The following PALM2AKAP2 variants were observed in gnomAD, a reference collection of about 807,000 sequenced individuals.
The protein encoded by PALM2AKAP2 is PALM2-AKAP2 fusion protein.
A neutral mutation model predicts 71.5 loss-of-function variants in PALM2AKAP2; 37 were observed. The observed-to-expected ratio is 0.52, with a 90% CI of 0.40 to 0.68. The LOEUF (loss-of-function observed/expected upper bound fraction) is 0.68. Among genes scored for constraint, PALM2AKAP2 ranks in the 30% least tolerant of loss-of-function variants. The pLI is 0.00. For missense variants in PALM2AKAP2, 1,224 were observed against 1,191.8 expected (o/e 1.03, Z -0.40); for synonymous variants, 468 against 478.8 (o/e 0.98, Z 0.29).
chr9:109,941,243 T>A (rs1373491161), intron 6 of PALM2AKAP2, among the ~76,000 whole-genome samples: 2 of 151,720 alleles, frequency 1.3e-5, no homozygotes, highest in African/African-American at 4.8e-5. Flanking sequence ...TCAGGCTGTC[T>A]TTGGCCCTCT....
chr9:110,158,432 G>GTA (rs1389492602), intron 3 of PALM2AKAP2, among the ~76,000 whole-genome samples: 8 of 152,178 alleles, frequency 5.3e-5, no homozygotes, highest in Admixed American at 6.5e-5. Context: ...TGTCACTTGT[G>GTA]TATGTCTTTT....
intron 5 of PALM2AKAP2, among the ~76,000 whole-genome samples, chr9:109,929,887 A>G (rs796707135): frequency 1.4e-5 from 2 of 143,704 alleles, no homozygotes; most frequent in East Asian, 2.1e-4. Context: ...AAAAAAAAAA[A>G]GAGAGAGAAT....
intron 1 of PALM2AKAP2, among the ~76,000 whole-genome samples, chr9:110,079,346 A>G (rs923418200): frequency 1.3e-5 from 2 of 152,144 alleles, no homozygotes; most frequent in Non-Finnish European, 2.9e-5. Context: ...AAATAAAAAA[A>G]TTAGCCAAGC....
chr9:109,797,179 C>G (rs535263101), intron 1 of PALM2AKAP2, among the ~76,000 whole-genome samples: 1 of 152,162 alleles, frequency 6.6e-6, no homozygotes, highest in Non-Finnish European at 1.5e-5. Context: ...CTTTCCATCT[C>G]TCTCAGCTGG....
At chr9:110,157,008 A>C (rs7847354) in intron 3 of PALM2AKAP2, among the ~76,000 whole-genome samples, 88,630 of 152,084 alleles carry the variant, frequency 0.58, 27,065 homozygotes, top group East Asian at 0.86. Flanking sequence ...CATAGCTTGA[A>C]AGCAAAGAGC....
At chr9:109,689,604 G>A (rs928876897) in intron 1 of PALM2AKAP2, among the ~76,000 whole-genome samples, 1 of 152,220 alleles carries the variant, frequency 6.6e-6, no homozygotes, top group Non-Finnish European at 1.5e-5. Flanking sequence ...ACTTGCCTGA[G>A]TTCTGAACAC....
In PALM2AKAP2 at chr9:109,989,997, G is replaced by A. The variant is rs149633781; in HGVS notation, c.497-25957G>A. On this transcript the variant is annotated intron_variant, in intron 6 of 9. Coordinates refer to the PALM2AKAP2 transcript ENST00000302798. ...TTATATCCAGAATGGAAATAATTTC[G>A]GGAATAACAAACTCCTTATGTTTAC... Among the ~76,000 whole-genome samples the A allele has an allele frequency of 4.6e-4, 70 of 151,976 alleles. 1 individual carries two copies. The highest frequency in any genetic ancestry group is 1.3e-3 in the African/African-American group (54 of 41,462).
intron 1 of PALM2AKAP2, among the ~76,000 whole-genome samples, chr9:109,689,357 G>A (rs1022554236): frequency 2.0e-5 from 3 of 151,816 alleles, no homozygotes; most frequent in African/African-American, 7.3e-5. Context: ...CGCCCACCAT[G>A]CCCAGCTAAT....
At chr9:110,074,638 T>C (rs1834279876) in intron 1 of PALM2AKAP2, among the ~76,000 whole-genome samples, 2 of 152,132 alleles carry the variant, frequency 1.3e-5, no homozygotes. Flanking sequence ...ACAAAAAAAT[T>C]ATAAACACAC....
At chr9:110,011,268 T>C (rs1353323519) in intron 6 of PALM2AKAP2, among the ~76,000 whole-genome samples, 1 of 150,018 alleles carries the variant, frequency 6.7e-6, no homozygotes, top group Non-Finnish European at 1.5e-5. Flanking sequence ...CCCAAGTTCT[T>C]AGGTCAGATT....
intron 6 of PALM2AKAP2, among the ~76,000 whole-genome samples, chr9:109,965,985 T>C (rs1831940769): frequency 6.6e-6 from 1 of 152,122 alleles, no homozygotes; most frequent in Admixed American, 6.6e-5. Flanking sequence ...AAGCAAACCA[T>C]GAAGCTCCTG....
intron 3 of PALM2AKAP2, among the ~76,000 whole-genome samples, chr9:109,886,920 A>C (rs1829978523): frequency 6.6e-6 from 1 of 152,238 alleles, no homozygotes; most frequent in Non-Finnish European, 1.5e-5. Context: ...GTTCTAAAAT[A>C]TGTCACATCA....
At chr9:110,046,056 T>G (rs1010559169), upstream of PALM2AKAP2, among the ~76,000 whole-genome samples, 5 of 152,198 alleles carry the variant, frequency 3.3e-5, no homozygotes, top group Non-Finnish European at 5.9e-5. Context: ...TCTCTAGACA[T>G]TGCCAAAATG....
intron 6 of PALM2AKAP2, among the ~76,000 whole-genome samples, chr9:110,009,290 C>T (rs921768613): frequency 6.6e-6 from 1 of 152,116 alleles, no homozygotes; most frequent in African/African-American, 2.4e-5. Flanking sequence ...ATTTTTAGTA[C>T]TAACCAAGGT....
intron 1 of PALM2AKAP2, among the ~76,000 whole-genome samples, chr9:109,757,074 T>C (rs1196268390): frequency 6.6e-6 from 1 of 152,150 alleles, no homozygotes; most frequent in East Asian, 1.9e-4. Flanking sequence ...TATCTATCTG[T>C]ATGTTTGCGC....
chr9:109,813,031 C>T (rs1278882292), intron 1 of PALM2AKAP2, among the ~76,000 whole-genome samples: 2 of 152,334 alleles, frequency 1.3e-5, no homozygotes, highest in South Asian at 4.1e-4. Context: ...CAGACCAAAT[C>T]AAATCTTTGA....
At chr9:109,890,527 T>G (rs1190727660) in intron 3 of PALM2AKAP2, among the ~76,000 whole-genome samples, 1 of 152,234 alleles carries the variant, frequency 6.6e-6, no homozygotes, top group East Asian at 1.9e-4. Context: ...TTCCTTCTAC[T>G]ATCCTAAAAG....
chr9:109,827,494 A>T (rs1453534929), intron 1 of PALM2AKAP2, among the ~76,000 whole-genome samples: 2 of 152,146 alleles, frequency 1.3e-5, no homozygotes, highest in Non-Finnish European at 2.9e-5. Flanking sequence ...CTGTAGTCCC[A>T]GCTACTCAGG....
intron 3 of PALM2AKAP2, among the ~76,000 whole-genome samples, chr9:109,892,726 A>G (rs1830114895): frequency 6.6e-6 from 1 of 152,046 alleles, no homozygotes; most frequent in Admixed American, 6.6e-5. Flanking sequence ...TGCTGCCTGT[A>G]TAATTTGAGG....
Sources: allele counts gnomAD v4.1 joint callset (sites outside exome capture counted in the v4.1 genomes callset), GRCh38; gene constraint gnomAD v4.1.1; transcripts MANE v1.5; gene names NCBI Gene and HGNC (gene_info 2026-07-23, HGNC 2026-07-21).